The following PTCD2 variants were observed in gnomAD, a reference collection of about 807,000 sequenced individuals.
The protein encoded by PTCD2 is pentatricopeptide repeat-containing protein 2, mitochondrial.
PTCD2 carries 31 observed loss-of-function variants against 42.6 expected under a neutral mutation model. That is an observed-to-expected ratio of 0.73 (90% CI 0.55 to 0.98). The LOEUF is 0.98. Ranked by LOEUF, PTCD2 falls within the 50% of genes least tolerant of loss-of-function variation. The pLI is 0.00. For synonymous variants in PTCD2, 183 were observed against 170.9 expected, an observed-to-expected ratio of 1.07 and a Z score of -0.55; for missense variants, 476 against 454.8, an observed-to-expected ratio of 1.05 and a Z score of -0.42.
rs1025665793 is a variant in PTCD2, at chr5:72,359,172, C to T, written c.*745C>T. The T allele has an allele frequency of 1.3e-5, 2 of 152,034 alleles. No homozygotes were observed. Among genetic ancestry groups the T allele is most frequent in the Non-Finnish European group, 2.9e-5 (2 of 68,004 alleles). The allele number at this position is 152,034 out of a possible 1,614,324, so 9.4% of individuals were successfully genotyped here. On this transcript the variant is annotated 3_prime_UTR_variant, in exon 10 of 10. Coordinates refer to ENST00000380639, the MANE Select transcript of PTCD2 (RefSeq NM_024754.5). ...GCCATGTGCTTTTCAAAATAAGTGC[C>T]ACTAAAAACCACATAATGCTTTGGT...
chr5:72,327,957 C>A (rs1751234941), intron 3 of PTCD2, among the ~76,000 whole-genome samples: 1 of 152,020 alleles, frequency 6.6e-6, no homozygotes, highest in South Asian at 2.1e-4. Flanking sequence ...TTTCTGATTT[C>A]TCAAACTTGT....
At chr5:72,354,984 G>T (rs772860337) in intron 9 of PTCD2, among the ~76,000 whole-genome samples, 1 of 152,146 alleles carries the variant, frequency 6.6e-6, no homozygotes, top group Admixed American at 6.5e-5. Flanking sequence ...ATGCAAATGG[G>T]TATGTGTAGT....
At chr5:72,338,864 C>A (rs1751896856) in intron 7 of PTCD2, 129 bp downstream of exon 7, 1 of 504,542 alleles carries the variant, frequency 2.0e-6, no homozygotes, top group Admixed American at 3.7e-5. Context: ...GAGACCAATG[C>A]CTTTGTTGCC....
intron 8 of PTCD2, among the ~76,000 whole-genome samples, chr5:72,348,309 G>A (rs1406450581): frequency 2.0e-5 from 3 of 152,224 alleles, no homozygotes; most frequent in Non-Finnish European, 2.9e-5. Flanking sequence ...CAGATAGGCT[G>A]AGTAGTGTCT....
In PTCD2 at chr5:72,367,451, T is replaced by A. The variant is rs1753230768; in HGVS notation, c.*9024T>A. 1.3e-5 allele frequency: 2 copies of A among 152,198 alleles called. No individual in the cohort carries two copies. Among genetic ancestry groups the A allele is most frequent in the African/African-American group, 4.8e-5 (2 of 41,456 alleles). The allele number at this position is 152,198 out of a possible 1,614,324, so 9.4% of individuals were successfully genotyped here. ...GTGCAACTGTGCATTGTACAACAAC[T>A]GATGAGGTAAAAGAAACAAACTGTT... On this transcript the variant is annotated 3_prime_UTR_variant, in exon 10 of 10. Transcript: ENST00000380639.
intron 8 of PTCD2, among the ~76,000 whole-genome samples, chr5:72,346,168 G>C (rs1752346936): frequency 6.6e-6 from 1 of 152,174 alleles, no homozygotes; most frequent in African/African-American, 2.4e-5. Flanking sequence ...TGGAGAGAGT[G>C]ATAACAGAGA....
intron 2 of PTCD2, among the ~76,000 whole-genome samples, chr5:72,322,667 T>C (rs1457874601): frequency 6.6e-6 from 1 of 152,230 alleles, no homozygotes; most frequent in African/African-American, 2.4e-5. Flanking sequence ...CTTTCAAACT[T>C]TTTGATGTAA....
chr5:72,332,106 T>A (rs534682403), intron 4 of PTCD2, among the ~76,000 whole-genome samples: 7 of 152,338 alleles, frequency 4.6e-5, no homozygotes, highest in African/African-American at 1.7e-4. Context: ...GTGTTTCCCA[T>A]AATCAGAAAC....
chr5:72,346,865 A>C (rs763982848), intron 8 of PTCD2, among the ~76,000 whole-genome samples: 5 of 152,228 alleles, frequency 3.3e-5, no homozygotes, highest in African/African-American at 7.2e-5. Flanking sequence ...TGATAACATC[A>C]GGAAGGAAAG....
chr5:72,338,244 C>G (rs967410313), intron 6 of PTCD2, among the ~76,000 whole-genome samples: 3 of 152,230 alleles, frequency 2.0e-5, no homozygotes, highest in Admixed American at 2.0e-4. Flanking sequence ...GAAAAAGTTT[C>G]CTGGTGTTGT....
chr5:72,358,342 G>A lies in PTCD2; in HGVS notation c.1082G>A (p.Arg361Lys). 1.2e-6 allele frequency: 2 copies of A among 1,614,046 alleles called. No homozygotes were observed. Among genetic ancestry groups the A allele is most frequent in the Middle Eastern group, 1.7e-4 (1 of 6,056 alleles). Residue 361 changes from arginine to lysine, a missense_variant, in exon 10 of 10, where the codon AGG becomes AAG. Transcript: ENST00000380639. The stretch of plus-strand genomic sequence containing the variant: ...GTGCTCTGCCACACCCCCAGGGACA[G>A]GAAATCTCACACGTTGCTATTAAAC... ...DAVLCHTPRD[R>K]KSHTLLLNKR... is the part of the protein sequence containing the mutation.
chr5:72,322,340 C>T, intron 2 of PTCD2, 76 bp downstream of exon 2: 1 of 881,494 alleles, frequency 1.1e-6, no homozygotes, highest in Non-Finnish European at 1.9e-6. Context: ...TATTCAGTGT[C>T]TCCTTCAGTG....
At chr5:72,350,754 T>C (rs950688521) in intron 8 of PTCD2, among the ~76,000 whole-genome samples, 2 of 152,194 alleles carry the variant, frequency 1.3e-5, no homozygotes, top group African/African-American at 4.8e-5. Flanking sequence ...ACTCAACAAA[T>C]GCAAAATGTT....
At chr5:72,327,376 C>G (rs370921380) in intron 3 of PTCD2, among the ~76,000 whole-genome samples, 177 of 152,294 alleles carry the variant, frequency 1.2e-3, no homozygotes, top group African/African-American at 4.0e-3. Context: ...GGAAAGCCAG[C>G]AAAGGCTTCG....
Position 72,320,404 on chromosome 5 carries a change from G to C in PTCD2, c.22G>C (p.Ala8Pro). Residue 8 changes from alanine to proline, a missense_variant, in exon 1 of 10, where the codon GCT (alanine) becomes CCT (proline). By Grantham distance (27) the Ala-to-Pro change is conservative. Coordinates refer to ENST00000380639, the MANE Select transcript of PTCD2 (RefSeq NM_024754.5). ...TGGTATGGTCCGAGACAGTATGGCT[G>C]CTGCATTTCGGCCCTCGAATCGAGT... Reference protein sequence around the residue: MVRDSMAAAFRPSNRVLL... With the variant: MVRDSMAPAFRPSNRVLL... 6.2e-7 allele frequency: 1 copy of C among 1,614,202 alleles called. No homozygotes were observed. The highest frequency in any genetic ancestry group is 8.5e-7 in the Non-Finnish European group (1 of 1,180,040).
Position 72,366,707 on chromosome 5 carries a change from G to A in PTCD2, c.*8280G>A, listed in dbSNP as rs896272147. On this transcript the variant is annotated 3_prime_UTR_variant, in exon 10 of 10. Transcript: ENST00000380639. Reference sequence around the variant, plus strand: ...GGAGTATATAGAATATTGCCTTCACGCAGGTTAAGAAATATTTAGTGTTGA... The same window carrying A: ...GGAGTATATAGAATATTGCCTTCACACAGGTTAAGAAATATTTAGTGTTGA... 2 of 152,226 alleles carry A rather than the reference G, an allele frequency of 1.3e-5. No homozygotes were observed. The highest frequency in any genetic ancestry group is 2.4e-5 in the African/African-American group (1 of 41,454). 9.4% of individuals were successfully genotyped at this position (152,226 alleles called of 1,614,324 possible). A position where few individuals can be genotyped will look rare whatever the true frequency, so the allele number is the denominator to read the frequency against.
At chr5:72,350,126 T>C (rs1233212927) in intron 8 of PTCD2, among the ~76,000 whole-genome samples, 4 of 152,332 alleles carry the variant, frequency 2.6e-5, no homozygotes, top group Middle Eastern at 3.4e-3. Flanking sequence ...GACTTGTCTT[T>C]GCCTTTGAGA....
At chr5:72,335,261 A>G (rs1265861452) in intron 5 of PTCD2, among the ~76,000 whole-genome samples, 165 bp downstream of exon 5, 1 of 152,010 alleles carries the variant, frequency 6.6e-6, no homozygotes, top group African/African-American at 2.4e-5. Flanking sequence ...CATCCTGGCT[A>G]ACAAGGTGAA....
Position 72,363,535 on chromosome 5 carries a change from G to T in PTCD2, c.*5108G>T, listed in dbSNP as rs1753138127. The T allele has an allele frequency of 6.6e-6, 1 of 152,440 alleles. No individual in the cohort carries two copies. The highest frequency in any genetic ancestry group is 2.4e-5 in the African/African-American group (1 of 41,464). 9.4% of individuals were successfully genotyped at this position (152,440 alleles called of 1,614,324 possible). Reference sequence around the variant, plus strand: ...GTCTCAGTTGTGAGGAGGGGGAAGAGTGGGAAGTCTGGCCTTGTCTCTGGA... The same window carrying T: ...GTCTCAGTTGTGAGGAGGGGGAAGATTGGGAAGTCTGGCCTTGTCTCTGGA... On this transcript the variant is annotated 3_prime_UTR_variant, in exon 10 of 10. Coordinates refer to ENST00000380639, the MANE Select transcript of PTCD2 (RefSeq NM_024754.5).
Sources: gnomAD v4.1 joint callset for allele counts (sites outside exome capture counted in the v4.1 genomes callset) on GRCh38, gnomAD v4.1.1 for gene constraint, MANE v1.5 for transcripts, NCBI Gene and HGNC (gene_info 2026-07-23, HGNC 2026-07-21) for gene names.